The following ATP10B variants were observed in gnomAD, a reference collection of about 807,000 sequenced individuals.
ATP10B encodes the protein ATPase phospholipid transporting 10B (putative), also known as phospholipid-transporting ATPase VB.
ATP10B carries 122 observed loss-of-function variants against 141.2 expected under a neutral mutation model. The ratio of observed to expected loss-of-function variants is 0.86; its 90% CI spans 0.75 to 1.00. The LOEUF is 1.00. Among genes scored for constraint, ATP10B ranks in the 50% least tolerant of loss-of-function variants. The pLI is 0.00. For missense variants in ATP10B, 1,876 were observed against 1,825.3 expected, an observed-to-expected ratio of 1.03 and a Z score of -0.51; for synonymous variants, 685 against 692.0, an observed-to-expected ratio of 0.99 and a Z score of 0.16.
intron 13 of ATP10B, among the ~76,000 whole-genome samples, chr5:160,627,116 C>G (rs770680591): frequency 6.6e-6 from 1 of 152,196 alleles, no homozygotes; most frequent in Non-Finnish European, 1.5e-5. Context: ...ACTCCTCATC[C>G]ACTCCTCACT....
At chr5:160,599,147 T>C (rs1756933257) in intron 21 of ATP10B, among the ~76,000 whole-genome samples, 177 bp from the exon 22 acceptor site, 1 of 152,206 alleles carries the variant, frequency 6.6e-6, no homozygotes, top group South Asian at 2.1e-4. Flanking sequence ...CTGTTACTAC[T>C]ACTACTATTG....
At chr5:160,739,962 C>A (rs1581443789) in intron 2 of ATP10B, among the ~76,000 whole-genome samples, 1 of 152,108 alleles carries the variant, frequency 6.6e-6, no homozygotes, top group African/African-American at 2.4e-5. Context: ...CAGGCACAGG[C>A]CATTGTGCCC....
At chr5:160,781,674 C>G (rs961026915) in intron 2 of ATP10B, among the ~76,000 whole-genome samples, 1 of 152,158 alleles carries the variant, frequency 6.6e-6, no homozygotes, top group Admixed American at 6.5e-5. Context: ...ACTGGCACAA[C>G]ATAACAGAAC....
At chr5:160,759,053 T>C (rs1199502678) in intron 2 of ATP10B, among the ~76,000 whole-genome samples, 2 of 151,932 alleles carry the variant, frequency 1.3e-5, no homozygotes, top group Admixed American at 1.3e-4. Flanking sequence ...AGAAACACAA[T>C]CCACAAAAAA....
chr5:160,863,005 CATAGACAG>C, the ATP10B span, among the ~76,000 whole-genome samples: 1 of 151,916 alleles, frequency 6.6e-6, no homozygotes, highest in Non-Finnish European at 1.5e-5. Context: ...TGTAATTTAA[CATAGACAG>C]ATATGATTAT....
At chr5:160,859,906 A>T in the ATP10B span, among the ~76,000 whole-genome samples, 9 of 151,986 alleles carry the variant, frequency 5.9e-5, no homozygotes, top group Non-Finnish European at 1.2e-4. Context: ...GAACACAGTG[A>T]TAGTATCTAA....
At chr5:160,695,764 T>C (rs912069006) in intron 3 of ATP10B, among the ~76,000 whole-genome samples, 2 of 152,316 alleles carry the variant, frequency 1.3e-5, no homozygotes, top group East Asian at 1.9e-4. Flanking sequence ...ATACTTAGAT[T>C]ATTGATAAAA....
intron 2 of ATP10B, among the ~76,000 whole-genome samples, chr5:160,755,820 AAAAAAAAAAAAAAAAAAAATATAT>A (rs1320157966): frequency 1.3e-4 from 7 of 51,938 alleles, no homozygotes; most frequent in South Asian, 5.5e-4. Flanking sequence ...GTCTCAAAAA[AAAAAAAAAAAAAAAAAAAATATAT>A]ATATATATAT....
chr5:160,696,570 T>C (rs927858843), intron 3 of ATP10B, among the ~76,000 whole-genome samples: 1 of 152,162 alleles, frequency 6.6e-6, no homozygotes, highest in Non-Finnish European at 1.5e-5. Context: ...CACCTCTATG[T>C]CTCTATTTGC....
intron 13 of ATP10B, among the ~76,000 whole-genome samples, chr5:160,628,411 G>A (rs973349594): frequency 3.3e-5 from 5 of 152,216 alleles, no homozygotes; most frequent in Non-Finnish European, 7.3e-5. Flanking sequence ...ATTAAATCAG[G>A]ACTCTTATCT....
intron 22 of ATP10B, among the ~76,000 whole-genome samples, chr5:160,592,484 G>A (rs1462951587): frequency 4.6e-5 from 7 of 152,228 alleles, no homozygotes; most frequent in East Asian, 1.9e-4. Flanking sequence ...CAGCATGAGC[G>A]ACACAGAAGA....
At chr5:160,675,587 T>C (rs10071539) in intron 6 of ATP10B, among the ~76,000 whole-genome samples, 132,274 of 152,148 alleles carry the variant, frequency 0.87, 57,683 homozygotes, top group African/African-American at 0.91. Context: ...AGTTAACTTG[T>C]GGAACTTCCC....
chr5:160,686,274 C>T lies in ATP10B; in HGVS notation c.276-1G>A, dbSNP rs1344024645. On this transcript the variant is annotated splice_acceptor_variant, in intron 5 of 25. Transcript: ENST00000327245. LOFTEE classifies it high-confidence loss of function. ...GAACAGGAAATAGAGGTTAGCCCAT[C>T]TGGAGGGGCAAGCGAAGTGTGAATA... 1.3e-6 allele frequency: 2 copies of T among 1,574,186 alleles called. No homozygotes were observed. The highest frequency in any genetic ancestry group is 2.3e-5 in the South Asian group (2 of 85,828).
chr5:160,798,724 A>AAGG (rs1426746834), intron 1 of ATP10B, among the ~76,000 whole-genome samples: 1 of 151,216 alleles, frequency 6.6e-6, no homozygotes, highest in South Asian at 2.1e-4. Context: ...TACATGGGTC[A>AAGG]AGGAAAAGAC....
rs1311232363 is a variant in ATP10B at position 160,569,572 on chromosome 5, C to T, written c.3862G>A (p.Val1288Met). The change falls in exon 25 of 26, where the codon GTG becomes ATG. Residue 1288 changes from valine to methionine, a missense_variant. Physicochemically the swap from Val to Met is conservative, Grantham distance 21. Transcript: ENST00000327245. ...GGGTTTGAGAGCTGGCCTTCCATCA[C>T]CCAATAGGGATTGGTGGGGCTGTTG... ...ICNSPTNPYW[V>M]MEGQLSNPTF... 6.2e-7 allele frequency: 1 copy of T among 1,613,918 alleles called. No individual in the cohort carries two copies. The highest frequency in any genetic ancestry group is 8.5e-7 in the Non-Finnish European group (1 of 1,179,900).
the ATP10B span, among the ~76,000 whole-genome samples, chr5:160,873,558 G>A: frequency 3.9e-5 from 6 of 152,290 alleles, no homozygotes; most frequent in South Asian, 2.1e-4. Context: ...GAACAGCTCC[G>A]GTCTACAGCT....
rs913423869 is a variant in ATP10B, at chr5:160,716,939, A to G, written c.-235T>C. The G allele has an allele frequency of 7.1e-6, 7 of 985,308 alleles. No individual in the cohort carries two copies. The Admixed American group carries it at 4.3e-4, about 61-fold the overall frequency. 61.0% of individuals were successfully genotyped at this position (985,308 alleles called of 1,614,324 possible). A position where few individuals can be genotyped will look rare whatever the true frequency, so the allele number is the denominator to read the frequency against. On this transcript the variant is annotated 5_prime_UTR_variant, in exon 3 of 26. Coordinates refer to ENST00000327245, the MANE Select transcript of ATP10B (RefSeq NM_025153.3). ...AGCGGAGTCCCTTTAAGGAGGTTAG[A>G]CCAGTGACCTTTGCTGTGCCCCTAC...
chr5:160,887,992 A>G, the ATP10B span, among the ~76,000 whole-genome samples: 1 of 152,350 alleles, frequency 6.6e-6, no homozygotes, highest in African/African-American at 2.4e-5. Flanking sequence ...AGGCATCTAG[A>G]GCAACACGTG....
chr5:160,873,971 A>G, the ATP10B span, among the ~76,000 whole-genome samples: 20,076 of 152,300 alleles, frequency 0.13, 1,409 homozygotes, highest in African/African-American at 0.16. Context: ...GGCGCCTGCC[A>G]TTGCCCAGGC....
Sources: allele counts gnomAD v4.1 joint callset (sites outside exome capture counted in the v4.1 genomes callset), GRCh38; gene constraint gnomAD v4.1.1; transcripts MANE v1.5; gene names NCBI Gene and HGNC (gene_info 2026-07-23, HGNC 2026-07-21).